Variants in NXPE2 observed in about 807,000 individuals in gnomAD.
NXPE2 encodes NXPE family member 2.
A neutral mutation model predicts 34.4 loss-of-function variants in NXPE2; 34 were observed. That is an observed-to-expected ratio of 0.99 (90% CI 0.75 to 1.31). The LOEUF (loss-of-function observed/expected upper bound fraction) is 1.31, where lower values mean the gene tolerates loss of function less well. NXPE2 is among the 40% of genes most tolerant of loss of function. NXPE2 has a pLI of 0.00. For missense variants in NXPE2, 649 were observed against 672.5 expected (o/e 0.97, Z 0.39); for synonymous variants, 235 against 231.3 (o/e 1.02, Z -0.15).
At chr11:114,566,617 A>G in the NXPE2 span, among the ~76,000 whole-genome samples, 3 of 152,094 alleles carry the variant, frequency 2.0e-5, no homozygotes, top group African/African-American at 2.4e-5. Context: ...ACAAAAAACT[A>G]TATGTTTTCA....
the NXPE2 span, among the ~76,000 whole-genome samples, chr11:114,723,145 G>A: frequency 2.2e-4 from 33 of 152,138 alleles, no homozygotes; most frequent in Non-Finnish European, 4.4e-4. Flanking sequence ...GTAGGGAGGA[G>A]GAGAGGAACT....
chr11:114,741,107 G>T, the NXPE2 span, among the ~76,000 whole-genome samples: 1 of 152,044 alleles, frequency 6.6e-6, no homozygotes, highest in African/African-American at 2.4e-5. Context: ...TTATGGGTTG[G>T]CAGGTTTCTA....
At chr11:114,628,121 A>G in the NXPE2 span, among the ~76,000 whole-genome samples, 1 of 146,690 alleles carries the variant, frequency 6.8e-6, no homozygotes, top group African/African-American at 2.6e-5. Context: ...TGAGACAGAA[A>G]GTCAACAACG....
chr11:114,739,280 TTTCCTTCCTTCCTTCCTTCCTTCCTTCC>T, the NXPE2 span, among the ~76,000 whole-genome samples: 18 of 96,936 alleles, frequency 1.9e-4, no homozygotes, highest in Middle Eastern at 6.0e-3. Context: ...TTGCCATTAT[TTTCCTTCCTTCCTTCCTTCCTTCCTTCC>T]TTCCTTCCTT....
At chr11:114,706,352 A>G (rs1951472250) in intron 5 of NXPE2, 43 bp from the exon 6 acceptor site, 2 of 1,445,164 alleles carry the variant, frequency 1.4e-6, no homozygotes, top group African/African-American at 1.4e-5. Context: ...AAGTTATATC[A>G]TTTTCCTTTT....
the NXPE2 span, chr11:114,529,069 C>T: frequency 1.1e-5 from 4 of 373,642 alleles, no homozygotes; most frequent in Non-Finnish European, 1.9e-5. Context: ...TTGGTGCCTA[C>T]TCTTAGCATA....
the NXPE2 span, among the ~76,000 whole-genome samples, chr11:114,782,066 A>C: frequency 6.6e-6 from 1 of 152,180 alleles, no homozygotes; most frequent in Admixed American, 6.5e-5. Flanking sequence ...ACTTTAAATC[A>C]TCTCTAGATT....
chr11:114,810,929 G>A, the NXPE2 span, among the ~76,000 whole-genome samples: 1 of 152,080 alleles, frequency 6.6e-6, no homozygotes, highest in South Asian at 2.1e-4. Flanking sequence ...CAAAGACTTG[G>A]AACTGACCTA....
At chr11:114,616,193 G>T in the NXPE2 span, among the ~76,000 whole-genome samples, 1 of 151,480 alleles carries the variant, frequency 6.6e-6, no homozygotes, top group Non-Finnish European at 1.5e-5. Context: ...AATGTCTCAT[G>T]AGTAACTGCT....
chr11:114,727,517 G>A, the NXPE2 span, among the ~76,000 whole-genome samples: 3 of 151,882 alleles, frequency 2.0e-5, no homozygotes, highest in Non-Finnish European at 4.4e-5. Context: ...AACCTTTGAA[G>A]TTACTTTTAT....
At position 114,706,574 on chromosome 11, in the gene NXPE2, AAAAACAC is replaced by A; in HGVS notation, c.1326_1332del (p.Asn443ProfsTer41). 1.3e-6 allele frequency: 2 copies of A among 1,551,942 alleles called. No homozygotes were observed. Among genetic ancestry groups the A allele is most frequent in the Non-Finnish European group, 1.7e-6 (2 of 1,147,012 alleles). ...GGAAATTGACCAGGTAGCAGGAGAC[AAAAACAC>A]AGCCATTGTCATTACCCTCGGCCAA... is the stretch of plus-strand genomic sequence containing the variant. On this transcript the variant is annotated frameshift_variant, in exon 6 of 6. Transcript: ENST00000389586. LOFTEE classifies it low-confidence loss of function (END_TRUNC).
At chr11:114,695,027 G>A (rs534535730) in intron 2 of NXPE2, among the ~76,000 whole-genome samples, 2 of 152,098 alleles carry the variant, frequency 1.3e-5, no homozygotes, top group South Asian at 2.1e-4. Flanking sequence ...TGGATATGAT[G>A]TAGTTGGTAA....
At chr11:114,725,974 A>T in the NXPE2 span, among the ~76,000 whole-genome samples, 2,173 of 32,526 alleles carry the variant, frequency 0.067, 74 homozygotes, top group Admixed American at 0.13. Context: ...TAATAAAAAA[A>T]AAATATATAT....
At chr11:114,723,569 A>G in the NXPE2 span, among the ~76,000 whole-genome samples, 1 of 152,294 alleles carries the variant, frequency 6.6e-6, no homozygotes, top group East Asian at 1.9e-4. Context: ...AATTCCCCTG[A>G]GCATGCTCTA....
chr11:114,505,439 T>TCC, the NXPE2 span, among the ~76,000 whole-genome samples: 170 of 151,618 alleles, frequency 1.1e-3, 2 homozygotes, highest in East Asian at 0.019. Flanking sequence ...TTCTCCAAGG[T>TCC]CAAAATGACA....
At chr11:114,681,688 C>A (rs1950954547) in intron 2 of NXPE2, among the ~76,000 whole-genome samples, 1 of 152,062 alleles carries the variant, frequency 6.6e-6, no homozygotes, top group Admixed American at 6.6e-5. Context: ...TTACTGATAA[C>A]AGGCATTAAG....
chr11:114,589,299 C>T, the NXPE2 span, among the ~76,000 whole-genome samples: 1 of 152,020 alleles, frequency 6.6e-6, no homozygotes, highest in Admixed American at 6.6e-5. Flanking sequence ...GCTCAAATTC[C>T]CATTACAGCA....
At chr11:114,806,559 C>T in the NXPE2 span, among the ~76,000 whole-genome samples, 1 of 152,142 alleles carries the variant, frequency 6.6e-6, no homozygotes, top group African/African-American at 2.4e-5. Flanking sequence ...GCAGAAGCCT[C>T]AGTAGCCGAT....
the NXPE2 span, among the ~76,000 whole-genome samples, chr11:114,514,287 A>C: frequency 6.6e-6 from 1 of 152,208 alleles, no homozygotes; most frequent in African/African-American, 2.4e-5. Flanking sequence ...TTGCTATTAC[A>C]GTATTGAAAG....
Sources: gnomAD v4.1 joint callset for allele counts (sites outside exome capture counted in the v4.1 genomes callset) on GRCh38, gnomAD v4.1.1 for gene constraint, MANE v1.5 for transcripts, NCBI Gene and HGNC (gene_info 2026-07-23, HGNC 2026-07-21) for gene names.